GRAMD4: variants seen among roughly 807,000 people sequenced by gnomAD.
GRAMD4 encodes GRAM domain containing 4.
GRAMD4 carries 25 observed loss-of-function variants against 83.9 expected under a neutral mutation model. The observed-to-expected ratio is 0.30, with a 90% CI of 0.22 to 0.42. GRAMD4 has a LOEUF of 0.42. GRAMD4 is among the 10% of genes least tolerant of loss of function. The pLI, the probability that GRAMD4 is intolerant of heterozygous loss-of-function variation, is 1.00. For missense variants in GRAMD4, 593 were observed against 788.7 expected, an observed-to-expected ratio of 0.75 and a Z score of 2.97; for synonymous variants, 336 against 320.9, an observed-to-expected ratio of 1.05 and a Z score of -0.50.
At chr22:46,579,470 C>T (rs1187629298) in intron 1 of GRAMD4, among the ~76,000 whole-genome samples, 2 of 152,196 alleles carry the variant, frequency 1.3e-5, no homozygotes, top group Non-Finnish European at 2.9e-5. Context: ...GCCTCTGCTG[C>T]CAGGGAGGGC....
In GRAMD4 at chr22:46,641,929, C is replaced by T. The variant is rs535566430; in HGVS notation, c.283+3969C>T. Among the ~76,000 whole-genome samples the T allele has an allele frequency of 2.0e-5, 3 of 152,362 alleles. No individual in the cohort carries two copies. The East Asian group carries it at 5.8e-4, about 29-fold the overall frequency. On this transcript the variant is annotated intron_variant, in intron 3 of 18. Coordinates refer to ENST00000406902, the MANE Select transcript of GRAMD4 (RefSeq NM_015124.5). ...GGGGCAGGGTGCATGGTTGGATTCC[C>T]CCCTCATTTTCCAGTTTTCAAAATA...
At position 46,672,007 on chromosome 22, in the gene GRAMD4, C is replaced by A. The variant is rs1161282253; in HGVS notation, c.1085-836C>A. Among the ~76,000 whole-genome samples, 2 of 152,240 alleles carry A rather than the reference C, an allele frequency of 1.3e-5. No individual in the cohort carries two copies. Among genetic ancestry groups the A allele is most frequent in the Non-Finnish European group, 2.9e-5 (2 of 68,036 alleles). On this transcript the variant is annotated intron_variant, in intron 13 of 18. Coordinates refer to ENST00000406902, the MANE Select transcript of GRAMD4 (RefSeq NM_015124.5). The surrounding 1 kb of genome is among the most constrained non-coding windows in gnomAD (Gnocchi z 4.7). ...GACCCTGGGGCCCCTGCAGGGAGGG[C>A]CTGCCACGTCTGGTCTGGTCTGGCG... is the stretch of plus-strand genomic sequence containing the variant.
Position 46,646,984 on chromosome 22 carries a change from A to G in GRAMD4, c.283+9024A>G, listed in dbSNP as rs1183701544. On this transcript the variant is annotated intron_variant, in intron 3 of 18. Coordinates refer to ENST00000406902, the MANE Select transcript of GRAMD4 (RefSeq NM_015124.5). ...GATCTCGTGAGACTCCTTCACGATCACAACAAGAACAGCACAGGAGAGACC... is the reference window on the plus strand; with the variant it reads ...GATCTCGTGAGACTCCTTCACGATCGCAACAAGAACAGCACAGGAGAGACC... 2.0e-5 allele frequency among the ~76,000 whole-genome samples: 3 copies of G among 152,318 alleles called. No individual in the cohort carries two copies. The East Asian group carries it at 5.8e-4, about 29-fold the overall frequency.
At chr22:46,591,080 C>T (rs895965524) in intron 1 of GRAMD4, among the ~76,000 whole-genome samples, 1 of 115,288 alleles carries the variant, frequency 8.7e-6, no homozygotes, top group Non-Finnish European at 1.8e-5. Flanking sequence ...GAAAAAAAAA[C>T]AAACAAACCC....
rs2082638894 is a variant in GRAMD4 at position 46,678,993 on chromosome 22, T to C, written c.*1742T>C. The stretch of plus-strand genomic sequence containing the variant: ...ACCCGCTCTGAGCCGTGGGTCTGGC[T>C]CCTGTAGGGGACTGGCTCTCTTGGT... On this transcript the variant is annotated 3_prime_UTR_variant, in exon 19 of 19. Transcript: ENST00000406902. 1.0e-6 allele frequency: 1 copy of C among 985,776 alleles called. No homozygotes were observed. The allele number at this position is 985,776 out of a possible 1,614,324, so 61.1% of individuals were successfully genotyped here.
rs185405147 is a variant in GRAMD4 at position 46,644,326 on chromosome 22, T to G, written c.283+6366T>G. 2.9e-3 allele frequency among the ~76,000 whole-genome samples: 445 copies of G among 152,218 alleles called. 1 individual carries two copies. The highest frequency in any genetic ancestry group is 0.01 in the African/African-American group (432 of 41,526). ...CCGTGTTACACCTGCCCCTGTTCCG[T>G]GTTACACCTGTTTCTGTTCCGTGTT... is the stretch of plus-strand genomic sequence containing the variant. On this transcript the variant is annotated intron_variant, in intron 3 of 18. Transcript: ENST00000406902.
At chr22:46,669,437 G>T (rs1319699170) in intron 13 of GRAMD4, among the ~76,000 whole-genome samples, 3 of 147,978 alleles carry the variant, frequency 2.0e-5, no homozygotes, top group Admixed American at 6.6e-5. Context: ...TGGGTGGGGT[G>T]TGGTGGCCCC....
In GRAMD4 at chr22:46,676,723, T is replaced by C. The variant is rs74892515; in HGVS notation, c.1632+55T>C. The C allele has an allele frequency of 0.016, 23,506 of 1,470,456 alleles. 1,597 individuals carry two copies. The African/African-American group carries it at 0.18, about 12-fold the overall frequency. The allele number at this position is 1,470,456 out of a possible 1,614,324, so 91.1% of individuals were successfully genotyped here. A position where few individuals can be genotyped will look rare whatever the true frequency, so the allele number is the denominator to read the frequency against. On this transcript the variant is annotated intron_variant, in intron 18 of 18. Coordinates refer to ENST00000406902, the MANE Select transcript of GRAMD4 (RefSeq NM_015124.5). ...GTTGGTGTGGGCCCAGGGGCCTGAC[T>C]CTGAGCAACCCTGGGACCAGCGTGG... is the stretch of plus-strand genomic sequence containing the variant.
At position 46,652,956 on chromosome 22, in the gene GRAMD4, C is replaced by T. The variant is rs752594037; in HGVS notation, c.284-5231C>T. On this transcript the variant is annotated intron_variant, in intron 3 of 18. Transcript: ENST00000406902. Reference sequence around the variant, plus strand: ...TGTCGCTGGTGGGCAGGAGGCAGGCCGGTGCGATGGAGTCGTGGGGCGTGT... The same window carrying T: ...TGTCGCTGGTGGGCAGGAGGCAGGCTGGTGCGATGGAGTCGTGGGGCGTGT... Among the ~76,000 whole-genome samples, 9 of 152,214 alleles carry T rather than the reference C, an allele frequency of 5.9e-5. 1 individual carries two copies. The highest frequency in any genetic ancestry group is 2.9e-5 in the Non-Finnish European group (2 of 68,004).
chr22:46,682,526 T>C, downstream of GRAMD4: 6 of 772,628 alleles, frequency 7.8e-6, no homozygotes, highest in Non-Finnish European at 7.9e-6. Context: ...CCCTCGGGAC[T>C]GCGACGAGGG....
rs1335905699 is a variant in GRAMD4 at position 46,677,821 on chromosome 22, G to A, written c.*570G>A. The A allele has an allele frequency of 5.1e-6, 5 of 985,470 alleles. No homozygotes were observed. Among genetic ancestry groups the A allele is most frequent in the Admixed American group, 1.2e-4 (2 of 16,290 alleles). 61.0% of individuals were successfully genotyped at this position (985,470 alleles called of 1,614,324 possible). On this transcript the variant is annotated 3_prime_UTR_variant, in exon 19 of 19. Transcript: ENST00000406902. ...TCCTGTGGCATTTGCCCTTGGTGCC[G>A]GGCTGGGGCCGGGCGCAGTGACCCT...
At chr22:46,598,768 A>G (rs984838293) in intron 1 of GRAMD4, among the ~76,000 whole-genome samples, 11 of 152,036 alleles carry the variant, frequency 7.2e-5, no homozygotes, top group African/African-American at 2.4e-4. Context: ...CTGAAAGCCA[A>G]GTCCTCAAAA....
chr22:46,581,899 C>T (rs767634446), intron 1 of GRAMD4, among the ~76,000 whole-genome samples: 9 of 152,210 alleles, frequency 5.9e-5, no homozygotes, highest in Admixed American at 2.0e-4. Context: ...CACCTGTAAA[C>T]GAAGGCCTTG....
rs1343691037 is a variant in GRAMD4, at chr22:46,677,469, T to A, written c.*218T>A. 4 of 1,317,828 alleles carry A rather than the reference T, an allele frequency of 3.0e-6. No homozygotes were observed. The highest frequency in any genetic ancestry group is 3.9e-6 in the Non-Finnish European group (4 of 1,031,882). 81.6% of individuals were successfully genotyped at this position (1,317,828 alleles called of 1,614,324 possible). ...GGGTGCCCCTCTCCCACAGGGCACG[T>A]CAGGTGCCTCTGAGGGCCACCCGCA... On this transcript the variant is annotated 3_prime_UTR_variant, in exon 19 of 19. Transcript: ENST00000406902.
intron 1 of GRAMD4, among the ~76,000 whole-genome samples, chr22:46,580,556 C>A (rs2081087603): frequency 6.6e-6 from 1 of 152,188 alleles, no homozygotes; most frequent in Non-Finnish European, 1.5e-5. Context: ...GCGGGTGGGG[C>A]CCAGGCCAGC....
chr22:46,620,513 C>A lies in GRAMD4; in HGVS notation c.-102C>A. 1 of 976,256 alleles carries A rather than the reference C, an allele frequency of 1.0e-6. No homozygotes were observed. The highest frequency in any genetic ancestry group is 1.2e-6 in the Non-Finnish European group (1 of 828,654). 60.5% of individuals were successfully genotyped at this position (976,256 alleles called of 1,614,324 possible). On this transcript the variant is annotated 5_prime_UTR_variant, in exon 1 of 19. It adds an upstream start codon to the 5' untranslated region. Coordinates refer to ENST00000406902, the MANE Select transcript of GRAMD4 (RefSeq NM_015124.5). The surrounding 1 kb of genome is among the most constrained non-coding windows in gnomAD (Gnocchi z 4.7). ...GCACATCCTGGTTCTGGGCCAGGAC[C>A]TGAAGGAGCCACAGTGAAAGAGTGT...
At chr22:46,637,166 C>T (rs1028331191) in intron 2 of GRAMD4, among the ~76,000 whole-genome samples, 6 of 152,186 alleles carry the variant, frequency 3.9e-5, no homozygotes, top group African/African-American at 7.2e-5. Context: ...ACACACGGGG[C>T]CAGCACAGTT....
chr22:46,675,634 T>C (rs2073276), intron 17 of GRAMD4, 82 bp downstream of exon 17: 324,882 of 908,504 alleles, frequency 0.36, 59,926 homozygotes, highest in Middle Eastern at 0.46. Flanking sequence ...CCCTATAGAC[T>C]TCTGCCAGCC....
chr22:46,586,871 G>A (rs771222529), intron 1 of GRAMD4, among the ~76,000 whole-genome samples: 6 of 152,174 alleles, frequency 3.9e-5, no homozygotes, highest in Non-Finnish European at 5.9e-5. Flanking sequence ...TTGGGACCTG[G>A]ATGGGCAGAG....
Sources: gnomAD v4.1 joint callset for allele counts (sites outside exome capture counted in the v4.1 genomes callset) on GRCh38, gnomAD v4.1.1 for gene constraint, Gnocchi (gnomAD v3.1) non-coding constraint, MANE v1.5 for transcripts, NCBI Gene and HGNC (gene_info 2026-07-23, HGNC 2026-07-21) for gene names.